The following RASGRF2 variants were observed in gnomAD, a reference collection of about 807,000 sequenced individuals.
RASGRF2 encodes Ras protein specific guanine nucleotide releasing factor 2.
Under a neutral mutation model 151.0 loss-of-function variants are expected in RASGRF2, and 76 were observed. The ratio of observed to expected loss-of-function variants is 0.50; its 90% CI spans 0.42 to 0.61. RASGRF2 has a LOEUF of 0.61. Among genes scored for constraint, RASGRF2 ranks in the 20% least tolerant of loss-of-function variants. The pLI, the probability that RASGRF2 is intolerant of heterozygous loss-of-function variation, is 0.00. For missense variants in RASGRF2, 1,148 were observed against 1,564.6 expected (o/e 0.73, Z 4.49); for synonymous variants, 504 against 566.5 (o/e 0.89, Z 1.57).
chr5:81,206,818 T>C lies in RASGRF2; in HGVS notation c.2907-27T>C, dbSNP rs201866651. On this transcript the variant is annotated intron_variant, in intron 19 of 26. Coordinates refer to ENST00000265080, the MANE Select transcript of RASGRF2 (RefSeq NM_006909.3). ...CCTAGGTTGTCTATTTTTTCTTTCA[T>C]GGAGGATAATTTGATATCTTTTTCA... 1.9e-6 allele frequency: 3 copies of C among 1,585,646 alleles called. 1 individual carries two copies. Among genetic ancestry groups the C allele is most frequent in the East Asian group, 4.5e-5 (2 of 44,736 alleles).
At chr5:81,086,016 C>T (rs1385992686) in intron 8 of RASGRF2, 105 bp downstream of exon 8, 6 of 1,499,902 alleles carry the variant, frequency 4.0e-6, no homozygotes, top group Non-Finnish European at 5.4e-6. Flanking sequence ...CAAAACAAAT[C>T]CAGCTTCTCA....
chr5:81,007,989 G>C (rs1262109522), intron 1 of RASGRF2, among the ~76,000 whole-genome samples: 1 of 152,008 alleles, frequency 6.6e-6, no homozygotes, highest in African/African-American at 2.4e-5. Context: ...TCCAGCAATA[G>C]TATTTATTGT....
intron 2 of RASGRF2, among the ~76,000 whole-genome samples, chr5:81,058,980 T>C (rs1364691853): frequency 6.6e-6 from 1 of 152,136 alleles, no homozygotes; most frequent in African/African-American, 2.4e-5. Context: ...TTGTCTGTAA[T>C]CTTTTTGCCT....
Position 81,070,513 on chromosome 5 carries a change from A to G in RASGRF2, c.565A>G (p.Lys189Glu). ...CCAGATTATTGCTCTTAATAAAACCAAAGAACGAATGCGACCTTACCAAAG... is the reference window on the plus strand; with the variant it reads ...CCAGATTATTGCTCTTAATAAAACCGAAGAACGAATGCGACCTTACCAAAG... ...KSEIIALNKT[K>E]ERMRPYQSNQ... The change falls in exon 4 of 27, where the codon AAA becomes GAA. Residue 189 changes from lysine to glutamate, a missense_variant. By Grantham distance (56) the Lys-to-Glu change is moderately conservative. This residue lies in a region of RASGRF2 where 221 missense variants were observed against 271.3 expected (regional missense o/e 0.81). Coordinates refer to ENST00000265080, the MANE Select transcript of RASGRF2 (RefSeq NM_006909.3). 6.2e-7 allele frequency: 1 copy of G among 1,609,016 alleles called. No individual in the cohort carries two copies. Among genetic ancestry groups the G allele is most frequent in the Non-Finnish European group, 8.5e-7 (1 of 1,175,364 alleles).
chr5:81,078,098 A>G (rs1266258980), intron 5 of RASGRF2, among the ~76,000 whole-genome samples: 1 of 152,222 alleles, frequency 6.6e-6, no homozygotes, highest in East Asian at 1.9e-4. Context: ...TTATGGTTAC[A>G]TAATACATAT....
At chr5:81,025,366 A>G (rs558209913) in intron 1 of RASGRF2, among the ~76,000 whole-genome samples, 1 of 152,302 alleles carries the variant, frequency 6.6e-6, no homozygotes, top group South Asian at 2.1e-4. Context: ...AGGACACAGG[A>G]ATGACCCTTA....
chr5:81,117,872 A>G (rs1045770039), intron 15 of RASGRF2, among the ~76,000 whole-genome samples: 5 of 152,258 alleles, frequency 3.3e-5, no homozygotes, highest in Admixed American at 3.3e-4. Context: ...AAAGAAAGGT[A>G]TAACATGCCT....
intron 1 of RASGRF2, among the ~76,000 whole-genome samples, chr5:80,978,851 T>C (rs756557992): frequency 1.4e-4 from 22 of 152,212 alleles, no homozygotes; most frequent in Admixed American, 2.6e-4. Flanking sequence ...ACTTTAGGAT[T>C]CTGATACTTT....
intron 18 of RASGRF2, among the ~76,000 whole-genome samples, chr5:81,189,773 G>A (rs1397796736): frequency 2.0e-5 from 3 of 148,128 alleles, no homozygotes; most frequent in African/African-American, 5.0e-5. Flanking sequence ...GTTCAGTGGT[G>A]CAATCTTGGC....
chr5:81,116,645 C>T (rs1170618344), intron 15 of RASGRF2, among the ~76,000 whole-genome samples: 2 of 152,136 alleles, frequency 1.3e-5, no homozygotes, highest in African/African-American at 4.8e-5. Flanking sequence ...ACTTTTTCAT[C>T]GTGCAAAACC....
chr5:81,138,029 A>G (rs952247712), intron 17 of RASGRF2, among the ~76,000 whole-genome samples: 2 of 148,736 alleles, frequency 1.3e-5, no homozygotes, highest in African/African-American at 5.0e-5. Flanking sequence ...AAGGGCTTCA[A>G]ATTCCTTCAA....
intron 1 of RASGRF2, among the ~76,000 whole-genome samples, chr5:81,021,541 T>C (rs1203857314): frequency 6.8e-6 from 1 of 147,624 alleles, no homozygotes; most frequent in Non-Finnish European, 1.5e-5. Flanking sequence ...GGCTCACATG[T>C]TCTTGAGATT....
At chr5:81,211,525 G>A (rs1337116383) in intron 22 of RASGRF2, among the ~76,000 whole-genome samples, 2 of 152,188 alleles carry the variant, frequency 1.3e-5, no homozygotes, top group Admixed American at 6.5e-5. Flanking sequence ...CTAAGGATGC[G>A]CAGGCACTCA....
chr5:81,029,967 T>C (rs774699900), intron 1 of RASGRF2, among the ~76,000 whole-genome samples: 7 of 152,254 alleles, frequency 4.6e-5, no homozygotes, highest in Non-Finnish European at 1.0e-4. Flanking sequence ...AATGACCTGA[T>C]GGAGCTGAAA....
chr5:81,012,206 T>C (rs1366764572), intron 1 of RASGRF2, among the ~76,000 whole-genome samples: 3 of 152,238 alleles, frequency 2.0e-5, no homozygotes, highest in African/African-American at 7.2e-5. Context: ...TCTCTGTCTG[T>C]ATAAACTTGT....
At chr5:81,087,105 A>C in intron 9 of RASGRF2, 152 bp downstream of exon 9, 2 of 743,746 alleles carry the variant, frequency 2.7e-6, no homozygotes, top group Non-Finnish European at 4.9e-6. Context: ...GTTGAGGCCC[A>C]CCTTTGTGCT....
At chr5:81,179,837 A>G (rs1754871776) in intron 17 of RASGRF2, among the ~76,000 whole-genome samples, 2 of 152,166 alleles carry the variant, frequency 1.3e-5, no homozygotes, top group Admixed American at 1.3e-4. Flanking sequence ...ATTAATGCTG[A>G]CTCAAATACT....
intron 9 of RASGRF2, chr5:81,088,664 A>C (rs1241645686): frequency 6.6e-6 from 1 of 152,198 alleles, no homozygotes. Flanking sequence ...GTGAGAATGG[A>C]GACGAAAGTT....
At chr5:81,042,435 A>G (rs1226759943) in intron 1 of RASGRF2, among the ~76,000 whole-genome samples, 3 of 152,250 alleles carry the variant, frequency 2.0e-5, no homozygotes, top group African/African-American at 7.2e-5. Flanking sequence ...AATTATAGGC[A>G]TATTGCTTCC....
Sources: gnomAD v4.1 joint callset for allele counts (sites outside exome capture counted in the v4.1 genomes callset) on GRCh38, gnomAD v4.1.1 for gene constraint, gnomAD v4.1.1 regional missense constraint, MANE v1.5 for transcripts, NCBI Gene and HGNC (gene_info 2026-07-23, HGNC 2026-07-21) for gene names.